Variants in IFT74 observed in about 807,000 individuals in gnomAD.
IFT74 encodes intraflagellar transport 74.
In IFT74, 92 loss-of-function variants were observed where a neutral mutation model predicts 96.7. That is an observed-to-expected ratio of 0.95 (90% CI 0.80 to 1.13). IFT74 has a LOEUF of 1.13. Among genes scored for constraint, IFT74 ranks in the 50% most tolerant of loss-of-function variants. The pLI is 0.00. For synonymous variants in IFT74, 223 were observed against 213.2 expected (o/e 1.05, Z -0.40); for missense variants, 811 against 698.2 (o/e 1.16, Z -1.82).
At chr9:27,007,874 A>G (rs540441263) in intron 8 of IFT74, among the ~76,000 whole-genome samples, 1 of 152,320 alleles carries the variant, frequency 6.6e-6, no homozygotes, top group South Asian at 2.1e-4. Context: ...TAAAATGTAA[A>G]TCTTGAAAGT....
At position 27,053,783 on chromosome 9, in the gene IFT74, T is replaced by A. The variant is rs12351839; in HGVS notation, c.1334-1826T>A. ...TATTCAAATTAAACTTGCAGTTAGA[T>A]TTATATCAGTGTTTACTCCAAATAG... is the stretch of plus-strand genomic sequence containing the variant. On this transcript the variant is annotated intron_variant, in intron 16 of 19. Transcript: ENST00000380062. Among the ~76,000 whole-genome samples, 1,254 of 152,348 alleles carry A rather than the reference T, an allele frequency of 8.2e-3. 17 individuals carry two copies. Among genetic ancestry groups the A allele is most frequent in the African/African-American group, 0.028 (1,151 of 41,582 alleles).
intron 18 of IFT74, 85 bp from the exon 19 acceptor site, chr9:27,060,506 G>T (rs760650461): frequency 2.4e-4 from 188 of 776,754 alleles, no homozygotes; most frequent in Non-Finnish European, 3.6e-4. Flanking sequence ...AAGTTGGAGA[G>T]ATTTTTTTTG....
chr9:26,948,781 T>C (rs962840165), intron 1 of IFT74, among the ~76,000 whole-genome samples: 4 of 152,086 alleles, frequency 2.6e-5, no homozygotes, highest in Non-Finnish European at 4.4e-5. Flanking sequence ...ATTCTTATAG[T>C]ACAGCATTAC....
At chr9:26,967,288 T>C (rs1021109863) in intron 2 of IFT74, among the ~76,000 whole-genome samples, 1 of 152,146 alleles carries the variant, frequency 6.6e-6, no homozygotes, top group Non-Finnish European at 1.5e-5. Context: ...CAGTGTTTTA[T>C]AGTTTTCATT....
chr9:26,947,152 G>T, intron 1 of IFT74: 7 of 1,319,650 alleles, frequency 5.3e-6, no homozygotes, highest in Non-Finnish European at 5.9e-6. Flanking sequence ...TGCAGGTAAG[G>T]GGCGGCCGGA....
At chr9:27,036,704 A>C in intron 13 of IFT74, 1 of 1,306,904 alleles carries the variant, frequency 7.7e-7, no homozygotes, top group Non-Finnish European at 9.7e-7. Flanking sequence ...GACTCCTAAA[A>C]ATCAATTATA....
chr9:26,990,283 TC>T (rs1295199018), intron 8 of IFT74, 88 bp downstream of exon 8: 1 of 641,686 alleles, frequency 1.6e-6, no homozygotes, highest in East Asian at 3.1e-5. Flanking sequence ...TTGTAAATTT[TC>T]TTAACAATTT....
At chr9:26,986,179 GGATAA>G (rs1397777552) in intron 6 of IFT74, among the ~76,000 whole-genome samples, 10 of 152,112 alleles carry the variant, frequency 6.6e-5, no homozygotes, top group African/African-American at 1.2e-4. Context: ...ATAATGGTTA[GGATAA>G]GATAAGTTAT....
intron 16 of IFT74, among the ~76,000 whole-genome samples, chr9:27,050,531 G>T (rs564295542): frequency 2.0e-4 from 31 of 152,178 alleles, no homozygotes; most frequent in African/African-American, 6.5e-4. Flanking sequence ...TGGCTTCTGT[G>T]GGTGTTCTTT....
At chr9:27,002,203 C>T (rs1240115478) in intron 8 of IFT74, among the ~76,000 whole-genome samples, 1 of 152,198 alleles carries the variant, frequency 6.6e-6, no homozygotes, top group Non-Finnish European at 1.5e-5. Context: ...GCCATTTTGG[C>T]TCACTGCAAC....
At chr9:27,006,577 A>G (rs10967657) in intron 8 of IFT74, among the ~76,000 whole-genome samples, 64,425 of 150,072 alleles carry the variant, frequency 0.43, 14,859 homozygotes, top group Non-Finnish European at 0.52. Context: ...AGTCTGGGTG[A>G]CAAGTGGTAC....
At position 27,060,612 on chromosome 9, in the gene IFT74, T is replaced by C. The variant is rs1448429401; in HGVS notation, c.1645T>C (p.Trp549Arg). The change falls in exon 19 of 20, where the codon TGG becomes CGG. Residue 549 changes from tryptophan to arginine, a missense_variant. Coordinates refer to ENST00000380062, the MANE Select transcript of IFT74 (RefSeq NM_025103.4). ...HSQLTNLERK[W>R]QHLEQNNFAM... ...TTAGCTTACAAATTTGGAGAGAAAG[T>C]GGCAACACCTTGAGCAAAATAATTT... 3 of 1,596,674 alleles carry C rather than the reference T, an allele frequency of 1.9e-6. No homozygotes were observed. The highest frequency in any genetic ancestry group is 2.2e-5 in the South Asian group (2 of 89,040).
At chr9:26,987,261 T>G (rs183459269) in intron 6 of IFT74, among the ~76,000 whole-genome samples, 7 of 151,970 alleles carry the variant, frequency 4.6e-5, no homozygotes, top group African/African-American at 1.4e-4. Context: ...CTGGGTAATA[T>G]TTGTATTTTT....
intron 18 of IFT74, among the ~76,000 whole-genome samples, chr9:27,058,850 G>T (rs1321733583): frequency 2.6e-5 from 4 of 152,170 alleles, no homozygotes; most frequent in Non-Finnish European, 4.4e-5. Flanking sequence ...AAATTTACCA[G>T]TTATTCTGTT....
rs576479020 is a variant in IFT74, at chr9:27,054,929, A to T, written c.1334-680A>T. Among the ~76,000 whole-genome samples, 31 of 152,314 alleles carry T rather than the reference A, an allele frequency of 2.0e-4. No homozygotes were observed. In the East Asian group the frequency reaches 5.8e-3, roughly 28 times the overall value. On this transcript the variant is annotated intron_variant, in intron 16 of 19. Coordinates refer to ENST00000380062, the MANE Select transcript of IFT74 (RefSeq NM_025103.4). ...AGGCACATCATAGCCTTATGGAGAAAATGTGTGATAGGTAAACTTAATTCA... is the reference window on the plus strand; with the variant it reads ...AGGCACATCATAGCCTTATGGAGAATATGTGTGATAGGTAAACTTAATTCA...
At chr9:27,001,585 C>T (rs772018543) in intron 8 of IFT74, among the ~76,000 whole-genome samples, 1 of 151,340 alleles carries the variant, frequency 6.6e-6, no homozygotes, top group Admixed American at 6.6e-5. Context: ...TTTCCACATA[C>T]TTGTTTGTCT....
chr9:26,981,200 A>G (rs536830528), intron 4 of IFT74, among the ~76,000 whole-genome samples: 19 of 152,310 alleles, frequency 1.2e-4, no homozygotes, highest in African/African-American at 4.6e-4. Flanking sequence ...AAGTTTTGAT[A>G]TGAATTTCAG....
intron 8 of IFT74, among the ~76,000 whole-genome samples, chr9:27,005,357 C>CCCG (rs1828717404): frequency 2.1e-5 from 1 of 47,736 alleles, no homozygotes; most frequent in African/African-American, 7.5e-5. Flanking sequence ...CCATTTCCCC[C>CCCG]CCCGCCCCCC....
At chr9:26,972,815 C>T (rs534815300) in intron 2 of IFT74, among the ~76,000 whole-genome samples, 3 of 152,256 alleles carry the variant, frequency 2.0e-5, no homozygotes, top group Middle Eastern at 3.4e-3. Context: ...TATTTAACTT[C>T]GGGCTCTGTA....
Sources: allele counts gnomAD v4.1 joint callset (sites outside exome capture counted in the v4.1 genomes callset), GRCh38; gene constraint gnomAD v4.1.1; transcripts MANE v1.5; gene names NCBI Gene and HGNC (gene_info 2026-07-23, HGNC 2026-07-21).